Variants in RMST observed in about 807,000 individuals in gnomAD.
RMST encodes long intergenic non-protein coding RNA 54.
At chr12:97,532,656 T>G (rs916540059) in intron 11 of RMST, 1 of 149,418 alleles carries the variant, frequency 6.7e-6, no homozygotes, top group Admixed American at 6.7e-5. Context: ...TTTTTTTTTT[T>G]TTTTTTTTTT....
intron 10 of RMST, among the ~76,000 whole-genome samples, chr12:97,511,990 C>T (rs1471813188): frequency 5.3e-5 from 8 of 152,308 alleles, no homozygotes; most frequent in Admixed American, 2.0e-4. Context: ...AATGAAGCCG[C>T]GGACCCTCGC....
intron 5 of RMST, among the ~76,000 whole-genome samples, chr12:97,471,965 C>A (rs1377155751): frequency 1.3e-5 from 2 of 151,964 alleles, no homozygotes; most frequent in African/African-American, 2.4e-5. Context: ...TTAATTTGAA[C>A]CTACAAGCAT....
chr12:97,562,662 T>A (rs2136678708), intron 13 of RMST, among the ~76,000 whole-genome samples: 1 of 152,360 alleles, frequency 6.6e-6, no homozygotes, highest in South Asian at 2.1e-4. Context: ...CCTTCAAAAG[T>A]GCAACCTGAG....
intron 11 of RMST, among the ~76,000 whole-genome samples, chr12:97,549,276 A>G (rs1325401599): frequency 1.3e-5 from 2 of 152,200 alleles, no homozygotes; most frequent in Non-Finnish European, 2.9e-5. Context: ...AAGAATATAC[A>G]TTTTGTATAA....
chr12:97,482,789 A>ATT (rs1484417189), intron 5 of RMST, among the ~76,000 whole-genome samples: 2 of 144,336 alleles, frequency 1.4e-5, no homozygotes, highest in Non-Finnish European at 3.0e-5. Context: ...AAATAAATTT[A>ATT]TATTATTTAT....
intron 10 of RMST, among the ~76,000 whole-genome samples, chr12:97,522,395 A>G (rs183673745): frequency 1.3e-5 from 2 of 152,328 alleles, no homozygotes; most frequent in East Asian, 3.9e-4. Flanking sequence ...CTCTTCAGAA[A>G]CAGTAGGAGA....
At chr12:97,531,058 T>A (rs1881577710) in intron 11 of RMST, among the ~76,000 whole-genome samples, 2 of 151,682 alleles carry the variant, frequency 1.3e-5, no homozygotes, top group Non-Finnish European at 2.9e-5. Context: ...ACTAAACAGC[T>A]TTTGATGATG....
Position 97,480,748 on chromosome 12 carries a change from G to C in RMST, n.645-11713G>C, listed in dbSNP as rs371002730. Reference sequence around the variant, plus strand: ...TGCAACAGCTTGGAATTCTACACATGAACCATATTATTTCTTTGCACATAC... The same window carrying C: ...TGCAACAGCTTGGAATTCTACACATCAACCATATTATTTCTTTGCACATAC... On this transcript the variant is annotated intron_variant and non_coding_transcript_variant, in intron 5 of 13. Transcript: ENST00000640149. 9.2e-5 allele frequency among the ~76,000 whole-genome samples: 14 copies of C among 152,190 alleles called. No homozygotes were observed. In the East Asian group the frequency reaches 1.4e-3, roughly 15 times the overall value.
chr12:97,525,288 A>T (rs1193316327), intron 10 of RMST, among the ~76,000 whole-genome samples: 1 of 152,210 alleles, frequency 6.6e-6, no homozygotes, highest in Non-Finnish European at 1.5e-5. Flanking sequence ...TGAAATGTGA[A>T]TTGGAAGCAA....
chr12:97,512,123 G>A (rs777562748), intron 10 of RMST, among the ~76,000 whole-genome samples: 20 of 152,120 alleles, frequency 1.3e-4, no homozygotes, highest in Non-Finnish European at 2.4e-4. Flanking sequence ...GTCTGGCCGA[G>A]TCTGGCGGAT....
intron 5 of RMST, among the ~76,000 whole-genome samples, chr12:97,489,471 G>T (rs1216361833): frequency 6.6e-6 from 1 of 151,708 alleles, no homozygotes; most frequent in African/African-American, 2.4e-5. Context: ...AAAAAAAAAG[G>T]CTACTTTTAG....
intron 11 of RMST, among the ~76,000 whole-genome samples, chr12:97,553,391 G>C (rs539918346): frequency 1.9e-4 from 29 of 152,154 alleles, no homozygotes; most frequent in Non-Finnish European, 3.7e-4. Flanking sequence ...TTTATGCACA[G>C]TTAGCCTCCA....
chr12:97,500,697 T>C (rs1877992195), intron 10 of RMST, among the ~76,000 whole-genome samples: 1 of 152,130 alleles, frequency 6.6e-6, no homozygotes, highest in Non-Finnish European at 1.5e-5. Flanking sequence ...GCTAGAGCCA[T>C]TGGGACACAG....
chr12:97,486,935 T>C (rs1352353201), intron 5 of RMST, among the ~76,000 whole-genome samples: 2 of 152,150 alleles, frequency 1.3e-5, no homozygotes, highest in Admixed American at 6.6e-5. Context: ...ATAAAACTTA[T>C]GAACAAAAGG....
At chr12:97,537,421 A>G (rs976401724) in intron 11 of RMST, among the ~76,000 whole-genome samples, 2 of 151,466 alleles carry the variant, frequency 1.3e-5, no homozygotes, top group Non-Finnish European at 3.0e-5. Flanking sequence ...CTCTGTCTGC[A>G]TGATGTATAT....
At chr12:97,476,191 G>A (rs1593130312) in intron 5 of RMST, among the ~76,000 whole-genome samples, 2 of 152,286 alleles carry the variant, frequency 1.3e-5, no homozygotes, top group East Asian at 3.9e-4. Context: ...TTCTCAGGGA[G>A]TCATTTTATA....
At chr12:97,484,211 G>A (rs117620546) in intron 5 of RMST, among the ~76,000 whole-genome samples, 159 of 152,242 alleles carry the variant, frequency 1.0e-3, no homozygotes, top group Non-Finnish European at 2.0e-3. Flanking sequence ...TTGTATAAAT[G>A]TGTGTGTCTA....
intron 5 of RMST, among the ~76,000 whole-genome samples, chr12:97,472,589 T>G (rs1248435841): frequency 6.6e-6 from 1 of 152,160 alleles, no homozygotes; most frequent in African/African-American, 2.4e-5. Flanking sequence ...ATAAACACTT[T>G]AAACTCCTCC....
chr12:97,562,136 C>T (rs1884162428), intron 13 of RMST, among the ~76,000 whole-genome samples: 1 of 152,152 alleles, frequency 6.6e-6, no homozygotes, highest in Non-Finnish European at 1.5e-5. Context: ...TGGCTTTCAG[C>T]AAGCATGTGC....
Sources: gnomAD v4.1 joint callset for allele counts (sites outside exome capture counted in the v4.1 genomes callset) on GRCh38, gnomAD v4.1.1 for gene constraint, MANE v1.5 for transcripts, NCBI Gene and HGNC (gene_info 2026-07-23, HGNC 2026-07-21) for gene names.